Variants in SMARCA4 observed in about 807,000 individuals in gnomAD.
SMARCA4 encodes the protein SWI/SNF-related matrix-associated actin-dependent regulator of chromatin subfamily A member 4.
A neutral mutation model predicts 193.9 loss-of-function variants in SMARCA4; 31 were observed. That is an observed-to-expected ratio of 0.16 (90% CI 0.12 to 0.22). The LOEUF (loss-of-function observed/expected upper bound fraction) is 0.22, where lower values mean the gene tolerates loss of function less well. Among genes scored for constraint, SMARCA4 ranks in the 10% least tolerant of loss-of-function variants. The pLI, the probability that SMARCA4 is intolerant of heterozygous loss-of-function variation, is 1.00. For missense variants in SMARCA4, 1,148 were observed against 2,296.0 expected (o/e 0.50, Z 10.22); for synonymous variants, 942 against 933.1 (o/e 1.01, Z -0.17).
intron 11 of SMARCA4, among the ~76,000 whole-genome samples, chr19:10,998,348 C>A (rs1236836139): frequency 6.6e-6 from 1 of 152,132 alleles, no homozygotes; most frequent in Non-Finnish European, 1.5e-5. Flanking sequence ...CAAATAAGGT[C>A]ACTGGTGATG....
At chr19:10,995,448 T>C (rs2086944748) in intron 9 of SMARCA4, 4 of 459,182 alleles carry the variant, frequency 8.7e-6, no homozygotes, top group Non-Finnish European at 8.7e-6. Context: ...CTGGTTGTGC[T>C]TGAGGGGCAG....
intron 30 of SMARCA4, among the ~76,000 whole-genome samples, chr19:11,057,677 C>A (rs891438920): frequency 6.6e-6 from 1 of 151,724 alleles, no homozygotes; most frequent in Non-Finnish European, 1.5e-5. Context: ...TGCAGTGAGC[C>A]GAGATCATTC....
At chr19:10,989,117 C>G (rs1460939750) in intron 6 of SMARCA4, among the ~76,000 whole-genome samples, 200 bp from the exon 7 acceptor site, 1 of 152,208 alleles carries the variant, frequency 6.6e-6, no homozygotes, top group Non-Finnish European at 1.5e-5. Flanking sequence ...TGTTTGCTGT[C>G]CCCTGAGGCC....
Position 10,984,452 on chromosome 19 carries a change from A to G in SMARCA4, c.222+79A>G, listed in dbSNP as rs1456002504. ...AGGCAGCCTCTGGACCGAGGGCCTTACTTGGAGGATGGGGGGAAGCCTTCT... is the reference window on the plus strand; with the variant it reads ...AGGCAGCCTCTGGACCGAGGGCCTTGCTTGGAGGATGGGGGGAAGCCTTCT... On this transcript the variant is annotated intron_variant, in intron 2 of 34. Transcript: ENST00000344626. The surrounding 1 kb of genome is among the most constrained non-coding windows in gnomAD (Gnocchi z 4.3). 1 of 1,548,260 alleles carries G rather than the reference A, an allele frequency of 6.5e-7. No individual in the cohort carries two copies. The highest frequency in any genetic ancestry group is 8.7e-7 in the Non-Finnish European group (1 of 1,146,540).
chr19:11,061,343 A>T (rs1019507053), intron 34 of SMARCA4, among the ~76,000 whole-genome samples: 2 of 150,678 alleles, frequency 1.3e-5, no homozygotes, highest in African/African-American at 4.9e-5. Flanking sequence ...CAGAGCAGGG[A>T]AGGCACGTGG....
At chr19:11,029,177 G>C (rs2090467263) in intron 24 of SMARCA4, among the ~76,000 whole-genome samples, 1 of 152,210 alleles carries the variant, frequency 6.6e-6, no homozygotes, top group Admixed American at 6.5e-5. Context: ...AATCCTTCAG[G>C]GTCCTCATGG....
intron 32 of SMARCA4, 87 bp from the exon 33 acceptor site, chr19:11,059,666 A>G (rs558477178): frequency 8.9e-6 from 13 of 1,461,236 alleles, no homozygotes; most frequent in African/African-American, 4.2e-5. Context: ...GGGGCAACAC[A>G]GGGCTGGGGC....
At chr19:11,006,197 A>G (rs534383378) in intron 13 of SMARCA4, among the ~76,000 whole-genome samples, 1 of 152,354 alleles carries the variant, frequency 6.6e-6, no homozygotes, top group Non-Finnish European at 1.5e-5. Context: ...TATTTGTAGG[A>G]TTTAAATGGC....
At chr19:10,982,484 A>T (rs1268289815) in intron 1 of SMARCA4, among the ~76,000 whole-genome samples, 2 of 152,000 alleles carry the variant, frequency 1.3e-5, no homozygotes, top group Non-Finnish European at 2.9e-5. Context: ...CAAAAACATA[A>T]ATAAAACAAA....
In SMARCA4 at chr19:11,003,409, T is replaced by C; in HGVS notation, c.2001+12T>C. On this transcript the variant is annotated intron_variant, in intron 13 of 34. Transcript: ENST00000344626. ...AAGAAGAGGAAGAGGTAAGAGTGCATTTCCTGGCTTTCAAGGCTCTCAGTG... is the reference window on the plus strand; with the variant it reads ...AAGAAGAGGAAGAGGTAAGAGTGCACTTCCTGGCTTTCAAGGCTCTCAGTG... The C allele has an allele frequency of 6.2e-7, 1 of 1,611,784 alleles. No individual in the cohort carries two copies. The highest frequency in any genetic ancestry group is 8.5e-7 in the Non-Finnish European group (1 of 1,177,954).
At chr19:10,963,518 G>A (rs1169225451) in intron 1 of SMARCA4, among the ~76,000 whole-genome samples, 1 of 152,114 alleles carries the variant, frequency 6.6e-6, no homozygotes, top group Admixed American at 6.6e-5. Context: ...CCCCTACAAA[G>A]TGTGGGGTGG....
rs2075608777 is a variant in SMARCA4 at position 11,041,463 on chromosome 19, C to T, written c.4327C>T (p.Arg1443Cys). 1 of 1,612,284 alleles carries T rather than the reference C, an allele frequency of 6.2e-7. No individual in the cohort carries two copies. The highest frequency in any genetic ancestry group is 8.5e-7 in the Non-Finnish European group (1 of 1,179,888). The change falls in exon 30 of 35, where the codon CGC (arginine) becomes TGC (cysteine). Residue 1443 changes from arginine (R) to cysteine (C), a missense_variant. Arg to Cys is a radical substitution (Grantham distance 180). Transcript: ENST00000344626. The surrounding 1 kb of genome is among the most constrained non-coding windows in gnomAD (Gnocchi z 5.6). ...KDDESKKQKK[R>C]GRPPAEKLSP... The stretch of plus-strand genomic sequence containing the variant: ...CGACGAGAGCAAGAAGCAGAAGAAG[C>T]GCGGGCGGCCGCCTGCCGAGAAACT...
chr19:10,963,427 T>G (rs1019573527), intron 1 of SMARCA4, among the ~76,000 whole-genome samples: 3 of 151,574 alleles, frequency 2.0e-5, no homozygotes, highest in African/African-American at 7.3e-5. Context: ...GGGGGTGGAT[T>G]GTAAGGGATA....
chr19:11,053,492 C>T (rs1412223201), intron 30 of SMARCA4, among the ~76,000 whole-genome samples: 2 of 151,112 alleles, frequency 1.3e-5, no homozygotes, highest in South Asian at 2.1e-4. Context: ...ATCTCAGTGT[C>T]GATAAATGAA....
chr19:11,027,416 C>T (rs968875973), intron 23 of SMARCA4, among the ~76,000 whole-genome samples: 1 of 152,150 alleles, frequency 6.6e-6, no homozygotes, highest in African/African-American at 2.4e-5. Flanking sequence ...GTGGCATTTG[C>T]TCCTGGGGCT....
At position 11,010,418 on chromosome 19, in the gene SMARCA4, T is replaced by C. The variant is rs2080596301; in HGVS notation, c.2161T>C (p.Ser721Pro). The C allele has an allele frequency of 6.2e-7, 1 of 1,614,006 alleles. No homozygotes were observed. Among genetic ancestry groups the C allele is most frequent in the Admixed American group, 1.7e-5 (1 of 59,992 alleles). ...KQDVDDEYGV[S>P]QALARGLQSY... ...AGATGTCGATGATGAATATGGCGTG[T>C]CCCAGGCCCTTGCACGTGGCCTGCA... Residue 721 changes from serine to proline, a missense_variant, in exon 15 of 35, where the codon TCC becomes CCC. Around this residue, in one of 17 missense-constraint regions of SMARCA4, gnomAD observed 6 missense variants for 45.7 expected, o/e 0.13. Transcript: ENST00000344626.
In SMARCA4 at chr19:11,058,875, C is replaced by T. The variant is rs1372260398; in HGVS notation, c.4621C>T (p.Leu1541=). The change falls in exon 32 of 35, where the codon CTG becomes TTG. Residue 1541 remains leucine, a synonymous_variant. Transcript: ENST00000344626. The surrounding 1 kb of genome is among the most constrained non-coding windows in gnomAD (Gnocchi z 5.8). ...GTGCCAGAACGCACAGACCTTCAACCTGGAGGGCTCCCTGGTGAGGGCACC... is the reference window on the plus strand; with the variant it reads ...GTGCCAGAACGCACAGACCTTCAACTTGGAGGGCTCCCTGGTGAGGGCACC... The part of the protein sequence containing the change: ...LLCQNAQTFN[L]EGSLIYEDSI... The T allele has an allele frequency of 6.2e-7, 1 of 1,613,872 alleles. No homozygotes were observed. Among genetic ancestry groups the T allele is most frequent in the African/African-American group, 1.3e-5 (1 of 75,054 alleles).
chr19:11,006,840 C>G (rs1279689234), intron 13 of SMARCA4, among the ~76,000 whole-genome samples: 1 of 151,796 alleles, frequency 6.6e-6, no homozygotes, highest in Non-Finnish European at 1.5e-5. Context: ...AATCCCAGCA[C>G]TTTGGGAGGC....
chr19:11,026,380 G>A (rs758905363), intron 23 of SMARCA4, 34 bp downstream of exon 23: 1 of 1,571,792 alleles, frequency 6.4e-7, no homozygotes, highest in South Asian at 1.1e-5. Flanking sequence ...GGGTGGGCAG[G>A]TGGTCCACCC....
Sources: allele counts gnomAD v4.1 joint callset (sites outside exome capture counted in the v4.1 genomes callset), GRCh38; gene constraint gnomAD v4.1.1; regional missense constraint gnomAD v4.1.1; non-coding constraint Gnocchi (gnomAD v3.1); transcripts MANE v1.5; gene names NCBI Gene and HGNC (gene_info 2026-07-23, HGNC 2026-07-21).